The following PGAP1 variants were observed in gnomAD, a reference collection of about 807,000 sequenced individuals.
PGAP1 encodes post-GPI attachment to proteins inositol deacylase 1, also known as GPI inositol-deacylase.
In PGAP1, 76 loss-of-function variants were observed where a neutral mutation model predicts 127.0. The ratio of observed to expected loss-of-function variants is 0.60; its 90% CI spans 0.50 to 0.72. PGAP1 has a LOEUF of 0.72. Ranked by LOEUF, PGAP1 falls within the 30% of genes least tolerant of loss-of-function variation. The pLI, the probability that PGAP1 is intolerant of heterozygous loss-of-function variation, is 0.00. For missense variants in PGAP1, 982 were observed against 1,071.3 expected (o/e 0.92, Z 1.16); for synonymous variants, 362 against 366.5 (o/e 0.99, Z 0.14).
rs1246177594 is a variant in PGAP1 at position 196,926,560 on chromosome 2, A to G, written c.57T>C (p.Phe19=). 3.7e-6 allele frequency: 6 copies of G among 1,614,110 alleles called. No individual in the cohort carries two copies. In the South Asian group the frequency reaches 6.6e-5, roughly 18 times the overall value. The change falls in exon 1 of 27, where the codon TTT becomes TTC. Residue 19 remains phenylalanine (F), a synonymous_variant. Transcript: ENST00000354764. ...WNLAFYVFMV[F]LATLGLWDVF... The stretch of plus-strand genomic sequence containing the variant: ...CATCCCACAGCCCCAGGGTTGCCAG[A>G]AAGACCATGAAGACATAAAACGCCA...
At chr2:196,889,172 T>C (rs1702017372) in intron 10 of PGAP1, among the ~76,000 whole-genome samples, 1 of 152,184 alleles carries the variant, frequency 6.6e-6, no homozygotes, top group Non-Finnish European at 1.5e-5. Context: ...CTTAATATAA[T>C]ACTGACATTC....
chr2:196,841,048 C>A lies in PGAP1; in HGVS notation c.*186G>T. On this transcript the variant is annotated 3_prime_UTR_variant, in exon 27 of 27. Transcript: ENST00000354764. ...TGATTACTACATGGATTCCACACCA[C>A]AAAACAAAACCATGCTTCAACTACT... The A allele has an allele frequency of 1.5e-6, 1 of 671,680 alleles. No homozygotes were observed. The highest frequency in any genetic ancestry group is 1.8e-5 in the African/African-American group (1 of 55,238). 41.6% of individuals were successfully genotyped at this position (671,680 alleles called of 1,614,324 possible).
chr2:196,919,472 A>G (rs1451035232), intron 2 of PGAP1, among the ~76,000 whole-genome samples: 1 of 152,248 alleles, frequency 6.6e-6, no homozygotes, highest in Non-Finnish European at 1.5e-5. Context: ...CTGTTACGCC[A>G]GAAATAACTG....
chr2:196,849,539 G>T (rs1258053163), intron 20 of PGAP1, among the ~76,000 whole-genome samples: 1 of 151,766 alleles, frequency 6.6e-6, no homozygotes, highest in Non-Finnish European at 1.5e-5. Flanking sequence ...CTCCCAAAGT[G>T]TTGGGATTAC....
chr2:196,926,158 A>T (rs1309234533), intron 1 of PGAP1, among the ~76,000 whole-genome samples: 1 of 152,056 alleles, frequency 6.6e-6, no homozygotes, highest in Non-Finnish European at 1.5e-5. Context: ...CCGGCCAGTC[A>T]GAAGAGCTTG....
chr2:196,918,901 T>C (rs2125839344), intron 2 of PGAP1, among the ~76,000 whole-genome samples: 1 of 152,356 alleles, frequency 6.6e-6, no homozygotes, highest in South Asian at 2.1e-4. Flanking sequence ...AATCAGGTTA[T>C]ATTTTTCTTA....
rs1700365594 is a variant in PGAP1, at chr2:196,840,111, A to G, written c.*1123T>C. On this transcript the variant is annotated 3_prime_UTR_variant, in exon 27 of 27. Coordinates refer to ENST00000354764, the MANE Select transcript of PGAP1 (RefSeq NM_024989.4). ...ATAAAATGTTACTCTTATTTGTCAAACAGTAATCCCAGAAGTCACCTAGGC... is the reference window on the plus strand; with the variant it reads ...ATAAAATGTTACTCTTATTTGTCAAGCAGTAATCCCAGAAGTCACCTAGGC... 1 of 152,198 alleles carries G rather than the reference A, an allele frequency of 6.6e-6. No individual in the cohort carries two copies. Among genetic ancestry groups the G allele is most frequent in the South Asian group, 2.1e-4 (1 of 4,830 alleles). 9.4% of individuals were successfully genotyped at this position (152,198 alleles called of 1,614,324 possible). A position where few individuals can be genotyped will look rare whatever the true frequency, so the allele number is the denominator to read the frequency against.
At position 196,881,136 on chromosome 2, in the gene PGAP1, C is replaced by A. The variant is rs191750130; in HGVS notation, c.1273-983G>T. On this transcript the variant is annotated intron_variant, in intron 12 of 26. Transcript: ENST00000354764. Reference sequence around the variant, plus strand: ...AGATGCAGCATTTGGTTTTCTCTTCCTGCATTCATTTGCTAAGGATAATGG... The same window carrying A: ...AGATGCAGCATTTGGTTTTCTCTTCATGCATTCATTTGCTAAGGATAATGG... 1.1e-3 allele frequency among the ~76,000 whole-genome samples: 164 copies of A among 152,238 alleles called. No homozygotes were observed. In the East Asian group the frequency reaches 0.019, roughly 18 times the overall value.
At chr2:196,860,181 A>G (rs1191096678) in intron 20 of PGAP1, among the ~76,000 whole-genome samples, 1 of 152,188 alleles carries the variant, frequency 6.6e-6, no homozygotes, top group Non-Finnish European at 1.5e-5. Context: ...TCAAGATACA[A>G]AATCAACATA....
chr2:196,893,908 T>C (rs192014747), intron 7 of PGAP1, among the ~76,000 whole-genome samples: 3 of 152,300 alleles, frequency 2.0e-5, no homozygotes, highest in East Asian at 3.9e-4. Context: ...AGTTTAATAA[T>C]TGAGGCCCTG....
Position 196,837,486 on chromosome 2 carries a change from ACAGTGG to A in PGAP1, c.*3742_*3747del, listed in dbSNP as rs1390288242. ...CTACAAAAAAATTAAAAAGTCAGGC[ACAGTGG>A]CATGTACCTGTAGTCTCACCTGCTG... On this transcript the variant is annotated 3_prime_UTR_variant, in exon 27 of 27. Coordinates refer to ENST00000354764, the MANE Select transcript of PGAP1 (RefSeq NM_024989.4). 2.6e-5 allele frequency: 4 copies of A among 152,120 alleles called. No homozygotes were observed. The highest frequency in any genetic ancestry group is 6.6e-5 in the Admixed American group (1 of 15,260). 9.4% of individuals were successfully genotyped at this position (152,120 alleles called of 1,614,324 possible).
intron 5 of PGAP1, 104 bp from the exon 6 acceptor site, chr2:196,898,473 C>A: frequency 9.7e-6 from 7 of 721,860 alleles, no homozygotes; most frequent in Non-Finnish European, 1.7e-5. Context: ...AATATAGTTT[C>A]ACTATATTGT....
chr2:196,902,635 A>G lies in PGAP1; in HGVS notation c.757T>C (p.Leu253=). 6.2e-7 allele frequency: 1 copy of G among 1,613,852 alleles called. No homozygotes were observed. The highest frequency in any genetic ancestry group is 2.2e-5 in the East Asian group (1 of 44,862). The change falls in exon 5 of 27, where the codon TTG becomes CTG. Residue 253 remains leucine (L), a synonymous_variant. Coordinates refer to ENST00000354764, the MANE Select transcript of PGAP1 (RefSeq NM_024989.4). ...TGGCTTAATTTTGGTAGAAAAGTCA[A>G]TCCTGAACGAACTTGGTAATCCCGG... is the stretch of plus-strand genomic sequence containing the variant. The part of the protein sequence containing the change: ...GFRDYQVRSG[L]TFLPKLSHHT...
In PGAP1 at chr2:196,872,843, G is replaced by C. The variant is rs1701451064; in HGVS notation, c.1619+117C>G. ...AATTATAGGAACAATGCTACATAAAGGATACATACATTTTACTGATGCATT... is the reference window on the plus strand; with the variant it reads ...AATTATAGGAACAATGCTACATAAACGATACATACATTTTACTGATGCATT... On this transcript the variant is annotated intron_variant, in intron 17 of 26. Transcript: ENST00000354764. 10 of 604,176 alleles carry C rather than the reference G, an allele frequency of 1.7e-5. No homozygotes were observed. The South Asian group carries it at 1.7e-4, about 11-fold the overall frequency. The allele number at this position is 604,176 out of a possible 1,614,324, so 37.4% of individuals were successfully genotyped here.
intron 20 of PGAP1, among the ~76,000 whole-genome samples, chr2:196,852,062 A>G (rs898869439): frequency 2.0e-5 from 3 of 152,214 alleles, no homozygotes; most frequent in Non-Finnish European, 2.9e-5. Flanking sequence ...ATTTTGTCAG[A>G]AATGTAATTT....
chr2:196,923,245 C>T (rs145225312), intron 1 of PGAP1, among the ~76,000 whole-genome samples: 112 of 152,130 alleles, frequency 7.4e-4, no homozygotes, highest in African/African-American at 2.7e-3. Flanking sequence ...ATTATAAATA[C>T]TGTTCATGCA....
At chr2:196,877,151 G>A (rs1701593624) in intron 13 of PGAP1, among the ~76,000 whole-genome samples, 1 of 151,958 alleles carries the variant, frequency 6.6e-6, no homozygotes, top group African/African-American at 2.4e-5. Context: ...ACCCAAGAAA[G>A]AGAAAATTCA....
chr2:196,880,340 T>A (rs910190753), intron 12 of PGAP1, among the ~76,000 whole-genome samples, 187 bp from the exon 13 acceptor site: 1 of 151,964 alleles, frequency 6.6e-6, no homozygotes, highest in African/African-American at 2.4e-5. Flanking sequence ...AAAATCAAGT[T>A]CCTAATAATT....
chr2:196,884,292 T>C (rs1701825471), intron 12 of PGAP1, among the ~76,000 whole-genome samples: 1 of 152,208 alleles, frequency 6.6e-6, no homozygotes, highest in Non-Finnish European at 1.5e-5. Context: ...TAACACCTTA[T>C]AAATGAGTGT....
Sources: gnomAD v4.1 joint callset for allele counts (sites outside exome capture counted in the v4.1 genomes callset) on GRCh38, gnomAD v4.1.1 for gene constraint, MANE v1.5 for transcripts, NCBI Gene and HGNC (gene_info 2026-07-23, HGNC 2026-07-21) for gene names.